Variants in EXOC6B observed in about 807,000 individuals in gnomAD.
EXOC6B encodes the protein exocyst complex component 6B, also known as SEC15 homolog B.
In EXOC6B, 54 loss-of-function variants were observed where a neutral mutation model predicts 113.5. That is an observed-to-expected ratio of 0.48 (90% CI 0.38 to 0.60). EXOC6B has a LOEUF of 0.60. Among genes scored for constraint, EXOC6B ranks in the 20% least tolerant of loss-of-function variants. The pLI, the probability that EXOC6B is intolerant of heterozygous loss-of-function variation, is 0.00. For synonymous variants in EXOC6B, 357 were observed against 339.0 expected (o/e 1.05, Z -0.58); for missense variants, 797 against 977.5 (o/e 0.82, Z 2.46).
intron 6 of EXOC6B, among the ~76,000 whole-genome samples, chr2:72,690,198 C>A (rs957114391): frequency 6.6e-6 from 1 of 152,206 alleles, no homozygotes; most frequent in African/African-American, 2.4e-5. Flanking sequence ...TGACTACCAT[C>A]TTGGGTACAT....
At chr2:72,431,496 T>TCTAC (rs1695524478) in intron 18 of EXOC6B, among the ~76,000 whole-genome samples, 1 of 146,546 alleles carries the variant, frequency 6.8e-6, no homozygotes, top group Non-Finnish European at 1.5e-5. Context: ...TATCTATCTA[T>TCTAC]CTATCTATCT....
intron 20 of EXOC6B, among the ~76,000 whole-genome samples, chr2:72,300,896 C>T (rs756363083): frequency 9.9e-5 from 15 of 152,130 alleles, no homozygotes; most frequent in Non-Finnish European, 1.9e-4. Context: ...GAACCGGGTA[C>T]CTCAGTTGGA....
intron 20 of EXOC6B, among the ~76,000 whole-genome samples, chr2:72,237,545 C>T (rs1161984224): frequency 6.6e-6 from 1 of 152,048 alleles, no homozygotes; most frequent in Non-Finnish European, 1.5e-5. Flanking sequence ...TGAAGTAAAG[C>T]CTCTGGCTAA....
Position 72,438,354 on chromosome 2 carries a change from A to T in EXOC6B, c.1980+26806T>A, listed in dbSNP as rs139645311. On this transcript the variant is annotated intron_variant, in intron 18 of 21. Coordinates refer to ENST00000272427, the MANE Select transcript of EXOC6B (RefSeq NM_015189.3). ...GGCTGGGCATAGTGGCTCACACATCATCCCAGTGCTCTGGGAAACCGAGGT... is the reference window on the plus strand; with the variant it reads ...GGCTGGGCATAGTGGCTCACACATCTTCCCAGTGCTCTGGGAAACCGAGGT... Among the ~76,000 whole-genome samples, 6 of 152,150 alleles carry T rather than the reference A, an allele frequency of 3.9e-5. No individual in the cohort carries two copies. In the East Asian group the frequency reaches 1.2e-3, roughly 29 times the overall value.
At chr2:72,283,622 C>T (rs995342738) in intron 20 of EXOC6B, among the ~76,000 whole-genome samples, 1 of 152,000 alleles carries the variant, frequency 6.6e-6, no homozygotes, top group African/African-American at 2.4e-5. Flanking sequence ...GCCAGATTCT[C>T]ACAGTAAATA....
At position 72,559,541 on chromosome 2, in the gene EXOC6B, A is replaced by C. The variant is rs1370691606; in HGVS notation, c.847-20T>G. 1.2e-6 allele frequency: 2 copies of C among 1,601,656 alleles called. No individual in the cohort carries two copies. The highest frequency in any genetic ancestry group is 2.3e-5 in the South Asian group (2 of 88,676). ...AGGTACCTGCAAACACAAGATTATA[A>C]CAAAAAAATTCAAACAAAGCTATTA... is the stretch of plus-strand genomic sequence containing the variant. On this transcript the variant is annotated intron_variant, in intron 7 of 21. Coordinates refer to ENST00000272427, the MANE Select transcript of EXOC6B (RefSeq NM_015189.3).
chr2:72,294,865 C>T (rs193146623), intron 20 of EXOC6B, among the ~76,000 whole-genome samples: 5 of 152,176 alleles, frequency 3.3e-5, no homozygotes, highest in East Asian at 3.9e-4. Context: ...AGACTTTGTT[C>T]CTTATTTTTA....
At chr2:72,817,255 C>A (rs768330790) in intron 1 of EXOC6B, among the ~76,000 whole-genome samples, 1 of 152,150 alleles carries the variant, frequency 6.6e-6, no homozygotes, top group Non-Finnish European at 1.5e-5. Flanking sequence ...TGAGGAATGA[C>A]AGGCTTTTTA....
chr2:72,251,175 T>C (rs918836778), intron 20 of EXOC6B, among the ~76,000 whole-genome samples: 6 of 152,252 alleles, frequency 3.9e-5, no homozygotes, highest in Admixed American at 3.9e-4. Flanking sequence ...AGCATGTTTG[T>C]TCCTGATCTT....
At position 72,583,230 on chromosome 2, in the gene EXOC6B, ACT is replaced by A. The variant is rs1573437273; in HGVS notation, c.670-7564_670-7563del. On this transcript the variant is annotated intron_variant, in intron 6 of 21. Coordinates refer to ENST00000272427, the MANE Select transcript of EXOC6B (RefSeq NM_015189.3). ...TGTAAAACAACCAAACCTATGAATTACTGGCATTCCTAAGAGTGAAGAAGAAA... is the reference window on the plus strand; with the variant it reads ...TGTAAAACAACCAAACCTATGAATTAGGCATTCCTAAGAGTGAAGAAGAAA... Among the ~76,000 whole-genome samples, 6 of 152,326 alleles carry A rather than the reference ACT, an allele frequency of 3.9e-5. No homozygotes were observed. The East Asian group carries it at 1.2e-3, about 29-fold the overall frequency.
intron 18 of EXOC6B, among the ~76,000 whole-genome samples, chr2:72,442,680 G>C (rs1696281816): frequency 6.6e-6 from 1 of 152,106 alleles, no homozygotes; most frequent in Admixed American, 6.5e-5. Flanking sequence ...ATACAGCTAA[G>C]TAGGGAGGTA....
chr2:72,774,586 T>C (rs1247047796), intron 1 of EXOC6B, among the ~76,000 whole-genome samples: 1 of 152,232 alleles, frequency 6.6e-6, no homozygotes, highest in Non-Finnish European at 1.5e-5. Context: ...TGTTAACTTA[T>C]GTTGAAATAT....
At chr2:72,194,885 C>G (rs1475819525) in intron 20 of EXOC6B, among the ~76,000 whole-genome samples, 2 of 152,120 alleles carry the variant, frequency 1.3e-5, no homozygotes, top group Admixed American at 6.5e-5. Flanking sequence ...GGCCCTACGT[C>G]TGAACTCCTC....
At chr2:72,255,332 A>G (rs1403770789) in intron 20 of EXOC6B, among the ~76,000 whole-genome samples, 1 of 152,254 alleles carries the variant, frequency 6.6e-6, no homozygotes, top group African/African-American at 2.4e-5. Context: ...ACAAAATTCT[A>G]TAAACAGAAA....
intron 1 of EXOC6B, among the ~76,000 whole-genome samples, chr2:72,797,608 G>A (rs952337047): frequency 1.3e-5 from 2 of 152,214 alleles, no homozygotes; most frequent in Middle Eastern, 3.4e-3. Flanking sequence ...GAGGTTGGGC[G>A]CTTGAGACCA....
chr2:72,353,846 A>T (rs755715146), intron 19 of EXOC6B, among the ~76,000 whole-genome samples: 1 of 152,186 alleles, frequency 6.6e-6, no homozygotes, highest in Non-Finnish European at 1.5e-5. Flanking sequence ...AATAACCACA[A>T]CATAGTTTTC....
chr2:72,715,037 C>A (rs1359286535), intron 6 of EXOC6B, among the ~76,000 whole-genome samples: 2 of 151,908 alleles, frequency 1.3e-5, no homozygotes, highest in Non-Finnish European at 2.9e-5. Flanking sequence ...GAGGCCGAGG[C>A]GGGTGGATCA....
At chr2:72,246,022 C>T (rs1022547806) in intron 20 of EXOC6B, among the ~76,000 whole-genome samples, 8 of 152,110 alleles carry the variant, frequency 5.3e-5, no homozygotes, top group African/African-American at 1.9e-4. Flanking sequence ...ATGTACCAGT[C>T]TTTGCCACTC....
chr2:72,790,335 GC>G (rs1684607446), intron 1 of EXOC6B, among the ~76,000 whole-genome samples: 1 of 152,132 alleles, frequency 6.6e-6, no homozygotes, highest in Non-Finnish European at 1.5e-5. Context: ...AAACCAAGTG[GC>G]AAAAGTGAGG....
Sources: gnomAD v4.1 joint callset for allele counts (sites outside exome capture counted in the v4.1 genomes callset) on GRCh38, gnomAD v4.1.1 for gene constraint, MANE v1.5 for transcripts, NCBI Gene and HGNC (gene_info 2026-07-23, HGNC 2026-07-21) for gene names.